The following CHST11 variants were observed in gnomAD, a reference collection of about 807,000 sequenced individuals.
CHST11 encodes the protein carbohydrate sulfotransferase 11.
In CHST11, 9 loss-of-function variants were observed where a neutral mutation model predicts 30.4. The observed-to-expected ratio is 0.30, with a 90% CI of 0.18 to 0.52. The LOEUF is 0.52. Ranked by LOEUF, CHST11 falls within the 20% of genes least tolerant of loss-of-function variation. The pLI is 0.97. For missense variants in CHST11, 348 were observed against 460.6 expected (o/e 0.76, Z 2.24); for synonymous variants, 152 against 187.8 (o/e 0.81, Z 1.56).
At chr12:104,509,575 A>G (rs998329277) in intron 1 of CHST11, among the ~76,000 whole-genome samples, 5 of 152,180 alleles carry the variant, frequency 3.3e-5, no homozygotes, top group Admixed American at 3.3e-4. Flanking sequence ...TACCTGTTGA[A>G]CATTGATAGA....
intron 2 of CHST11, among the ~76,000 whole-genome samples, chr12:104,699,166 T>C (rs2039971597): frequency 6.6e-6 from 1 of 152,198 alleles, no homozygotes; most frequent in Admixed American, 6.5e-5. Flanking sequence ...CCTGGAAAGC[T>C]GTATTTTTGT....
rs12581769 is a variant in CHST11 at position 104,680,655 on chromosome 12, T to A, written c.205-76294T>A. On this transcript the variant is annotated intron_variant, in intron 2 of 2. Coordinates refer to ENST00000303694, the MANE Select transcript of CHST11 (RefSeq NM_018413.6). ...CCTGCTCCATGTGGGAAGGAAATGC[T>A]GTGCACTCAGTAAAGTCAGTTCCTC... Among the ~76,000 whole-genome samples the A allele has an allele frequency of 7.8e-3, 1,183 of 152,374 alleles. 15 individuals are homozygous for A. Among genetic ancestry groups the A allele is most frequent in the East Asian group, 0.064 (331 of 5,188 alleles).
chr12:104,487,149 G>T (rs1353272662), intron 1 of CHST11, among the ~76,000 whole-genome samples: 1 of 152,156 alleles, frequency 6.6e-6, no homozygotes, highest in Non-Finnish European at 1.5e-5. Context: ...AAGAATTCTT[G>T]CTTGTAATAA....
intron 1 of CHST11, among the ~76,000 whole-genome samples, chr12:104,541,300 G>T (rs934658718): frequency 6.6e-6 from 1 of 152,172 alleles, no homozygotes; most frequent in Non-Finnish European, 1.5e-5. Flanking sequence ...GATTCATCTC[G>T]TGTCAGTGAA....
At chr12:104,704,069 A>G (rs903147025) in intron 2 of CHST11, among the ~76,000 whole-genome samples, 1 of 152,218 alleles carries the variant, frequency 6.6e-6, no homozygotes, top group Non-Finnish European at 1.5e-5. Flanking sequence ...CCAAGTGGGA[A>G]GTCAAACGTT....
chr12:104,675,724 G>A (rs1401961479), intron 2 of CHST11, among the ~76,000 whole-genome samples: 1 of 152,204 alleles, frequency 6.6e-6, no homozygotes, highest in Non-Finnish European at 1.5e-5. Context: ...CCTGTGGAAT[G>A]GGATTAATAA....
intron 1 of CHST11, among the ~76,000 whole-genome samples, chr12:104,526,642 A>G (rs11112091): frequency 0.18 from 26,668 of 152,122 alleles, 2,894 homozygotes; most frequent in African/African-American, 0.3. Flanking sequence ...CACTCTGAAG[A>G]GTTGATTCTC....
At chr12:104,732,094 T>C (rs1046242329) in intron 2 of CHST11, among the ~76,000 whole-genome samples, 1 of 152,258 alleles carries the variant, frequency 6.6e-6, no homozygotes, top group African/African-American at 2.4e-5. Context: ...AGGATTGCGC[T>C]GCTGGTGGTC....
chr12:104,636,852 AT>A lies in CHST11; in HGVS notation c.204+34873del, dbSNP rs527365933. Among the ~76,000 whole-genome samples, 1,182 of 146,340 alleles carry A rather than the reference AT, an allele frequency of 8.1e-3. 15 individuals are homozygous for A. The highest frequency in any genetic ancestry group is 0.021 in the African/African-American group (836 of 40,024). Reference sequence around the variant, plus strand: ...TCTTACTGCAACTCCTACTACTCCTATTTTTTTTTTTTAAAACAACTTTTAT... The same window carrying A: ...TCTTACTGCAACTCCTACTACTCCTATTTTTTTTTTTAAAACAACTTTTAT... On this transcript the variant is annotated intron_variant, in intron 2 of 2. Coordinates refer to ENST00000303694, the MANE Select transcript of CHST11 (RefSeq NM_018413.6).
intron 1 of CHST11, among the ~76,000 whole-genome samples, chr12:104,537,394 G>A (rs2038247050): frequency 1.3e-5 from 2 of 152,270 alleles, no homozygotes; most frequent in South Asian, 4.1e-4. Flanking sequence ...CATTAGGGGG[G>A]TAGTGGGGCC....
intron 2 of CHST11, among the ~76,000 whole-genome samples, chr12:104,743,629 T>C (rs1270190664): frequency 6.6e-6 from 1 of 152,224 alleles, no homozygotes; most frequent in Non-Finnish European, 1.5e-5. Context: ...TTCTAACTTT[T>C]AAGTTCAGGG....
In CHST11 at chr12:104,610,043, CTGTGTGTGTGTGTGTGTG is replaced by C. The variant is rs56983056; in HGVS notation, c.204+8088_204+8105del. Among the ~76,000 whole-genome samples the C allele has an allele frequency of 9.4e-3, 1,344 of 143,174 alleles. 22 individuals are homozygous for C. Among genetic ancestry groups the C allele is most frequent in the African/African-American group, 0.031 (1,177 of 38,476 alleles). 93.9% of individuals were successfully genotyped at this position (143,174 alleles called of 152,430 possible). A position where few individuals can be genotyped will look rare whatever the true frequency, so the allele number is the denominator to read the frequency against. On this transcript the variant is annotated intron_variant, in intron 2 of 2. Transcript: ENST00000303694. ...CTGATTTATAAAGCCATGAGTGCCT[CTGTGTGTGTGTGTGTGTG>C]TGTGTGTGTGTGTGTGTGTGTGTGT...
chr12:104,690,579 A>G (rs1278858294), intron 2 of CHST11, among the ~76,000 whole-genome samples: 1 of 152,198 alleles, frequency 6.6e-6, no homozygotes, highest in Non-Finnish European at 1.5e-5. Flanking sequence ...TAATCCCAGC[A>G]CTTTGGGAGG....
At chr12:104,503,139 A>G (rs1466495228) in intron 1 of CHST11, among the ~76,000 whole-genome samples, 1 of 152,246 alleles carries the variant, frequency 6.6e-6, no homozygotes, top group Non-Finnish European at 1.5e-5. Flanking sequence ...TGGGAGCAAT[A>G]TGCCCATCCA....
At chr12:104,480,522 G>C (rs7953577) in intron 1 of CHST11, among the ~76,000 whole-genome samples, 48,539 of 149,480 alleles carry the variant, frequency 0.32, 8,122 homozygotes, top group East Asian at 0.41. Flanking sequence ...AGGTTGCAGT[G>C]AGCTGAGATC....
intron 2 of CHST11, among the ~76,000 whole-genome samples, chr12:104,687,561 G>A (rs192331395): frequency 2.0e-5 from 3 of 152,358 alleles, no homozygotes; most frequent in Admixed American, 1.3e-4. Context: ...GGAAGCCAGA[G>A]GCAAGGATTT....
intron 2 of CHST11, among the ~76,000 whole-genome samples, chr12:104,661,391 A>G (rs1421379190): frequency 3.3e-5 from 5 of 151,934 alleles, no homozygotes; most frequent in Non-Finnish European, 5.9e-5. Context: ...CATCTCTACT[A>G]CTACTACTAC....
rs563694278 is a variant in CHST11 at position 104,638,418 on chromosome 12, G to A, written c.204+36427G>A. ...CCTGACTTAAAGTGTGATGATATTA[G>A]CAATAGGTGTCAACCACTTGACTCA... On this transcript the variant is annotated intron_variant, in intron 2 of 2. Coordinates refer to ENST00000303694, the MANE Select transcript of CHST11 (RefSeq NM_018413.6). Among the ~76,000 whole-genome samples, 38 of 152,266 alleles carry A rather than the reference G, an allele frequency of 2.5e-4. 1 individual carries two copies. The highest frequency in any genetic ancestry group is 9.1e-4 in the African/African-American group (38 of 41,552).
intron 1 of CHST11, among the ~76,000 whole-genome samples, chr12:104,518,974 C>CTTTTTTTTTTTTTTTTTTTTTT: frequency 7.6e-6 from 1 of 132,434 alleles, no homozygotes; most frequent in Non-Finnish European, 1.6e-5. Context: ...TTTTTTCTTT[C>CTTTTTTTTTTTTTTTTTTTTTT]TTTTTTTTTT....
Sources: allele counts gnomAD v4.1 joint callset (sites outside exome capture counted in the v4.1 genomes callset), GRCh38; gene constraint gnomAD v4.1.1; transcripts MANE v1.5; gene names NCBI Gene and HGNC (gene_info 2026-07-23, HGNC 2026-07-21).